The following XRCC4 variants were observed in gnomAD, a reference collection of about 807,000 sequenced individuals.
XRCC4 encodes the protein X-ray repair cross complementing 4, also known as DNA repair protein XRCC4.
Under a neutral mutation model 39.1 loss-of-function variants are expected in XRCC4, and 28 were observed. The ratio of observed to expected loss-of-function variants is 0.72; its 90% CI spans 0.53 to 0.98. The LOEUF (loss-of-function observed/expected upper bound fraction) is 0.98, where lower values mean the gene tolerates loss of function less well. Among genes scored for constraint, XRCC4 ranks in the 50% least tolerant of loss-of-function variants. The pLI is 0.00. For missense variants in XRCC4, 350 were observed against 376.4 expected (o/e 0.93, Z 0.58); for synonymous variants, 123 against 126.4 (o/e 0.97, Z 0.18).
chr5:83,117,667 G>A (rs1384576634), intron 3 of XRCC4, among the ~76,000 whole-genome samples: 2 of 136,426 alleles, frequency 1.5e-5, no homozygotes, highest in African/African-American at 6.5e-5. Flanking sequence ...GTGTGTGTGT[G>A]TGTGTGTATG....
chr5:83,259,795 T>C (rs757388165), intron 7 of XRCC4, among the ~76,000 whole-genome samples: 7 of 151,764 alleles, frequency 4.6e-5, no homozygotes, highest in Non-Finnish European at 8.8e-5. Flanking sequence ...TAAACTAAAA[T>C]GTGGAGTCAA....
chr5:83,229,091 G>T (rs1752397102), intron 6 of XRCC4, among the ~76,000 whole-genome samples: 1 of 151,790 alleles, frequency 6.6e-6, no homozygotes, highest in Non-Finnish European at 1.5e-5. Flanking sequence ...CGAATAAAAT[G>T]AACAGAAACA....
At chr5:83,249,457 G>C (rs1199450351) in intron 6 of XRCC4, among the ~76,000 whole-genome samples, 1 of 152,048 alleles carries the variant, frequency 6.6e-6, no homozygotes, top group African/African-American at 2.4e-5. Flanking sequence ...CCTTTTCATA[G>C]AACAACTACA....
intron 6 of XRCC4, among the ~76,000 whole-genome samples, chr5:83,233,076 G>A (rs1037816385): frequency 6.6e-6 from 1 of 152,118 alleles, no homozygotes; most frequent in African/African-American, 2.4e-5. Context: ...TTTTATGGGT[G>A]AACTGACAAG....
chr5:83,131,615 G>T (rs907559113), intron 3 of XRCC4, among the ~76,000 whole-genome samples: 2 of 151,944 alleles, frequency 1.3e-5, no homozygotes, highest in Middle Eastern at 3.2e-3. Flanking sequence ...TTGAATTGGT[G>T]CCTTTACCAT....
the XRCC4 span, among the ~76,000 whole-genome samples, chr5:83,365,876 T>C: frequency 2.6e-5 from 4 of 152,234 alleles, no homozygotes; most frequent in African/African-American, 4.8e-5. Flanking sequence ...AGATATACTA[T>C]GTCTTCCCTT....
chr5:83,292,682 G>A (rs1754959065), intron 7 of XRCC4, among the ~76,000 whole-genome samples: 1 of 151,684 alleles, frequency 6.6e-6, no homozygotes, highest in Non-Finnish European at 1.5e-5. Flanking sequence ...ACTGTTACAG[G>A]CTAGTTAATA....
chr5:83,186,364 C>T (rs1580343965), intron 3 of XRCC4, among the ~76,000 whole-genome samples: 1 of 152,132 alleles, frequency 6.6e-6, no homozygotes, highest in Non-Finnish European at 1.5e-5. Flanking sequence ...CAAAGTAGTA[C>T]ACACTTAGTG....
At chr5:83,129,444 A>T (rs1413146979) in intron 3 of XRCC4, among the ~76,000 whole-genome samples, 1 of 151,782 alleles carries the variant, frequency 6.6e-6, no homozygotes, top group Admixed American at 6.6e-5. Context: ...GCTTAGGATA[A>T]TCTTGGCAAT....
chr5:83,115,892 CAAG>C (rs1746686375), intron 3 of XRCC4, among the ~76,000 whole-genome samples: 1 of 152,098 alleles, frequency 6.6e-6, no homozygotes, highest in African/African-American at 2.4e-5. Flanking sequence ...AACGGCTTGA[CAAG>C]GAGGAGTTTA....
chr5:83,247,856 C>T (rs1222110763), intron 6 of XRCC4, among the ~76,000 whole-genome samples: 1 of 152,134 alleles, frequency 6.6e-6, no homozygotes, highest in African/African-American at 2.4e-5. Flanking sequence ...TGTGTACTGA[C>T]TTTACAATAA....
At chr5:83,320,796 G>GTTATGTACTTCTT (rs1365784175) in intron 7 of XRCC4, among the ~76,000 whole-genome samples, 9 of 144,012 alleles carry the variant, frequency 6.2e-5, no homozygotes, top group Non-Finnish European at 1.1e-4. Flanking sequence ...TTGAAATTAA[G>GTTATGTACTTCTT]TTATGTACTT....
intron 3 of XRCC4, among the ~76,000 whole-genome samples, chr5:83,188,195 A>G (rs970603462): frequency 6.6e-6 from 1 of 152,022 alleles, no homozygotes; most frequent in Admixed American, 6.6e-5. Flanking sequence ...AAAAGCTGCA[A>G]TTAAGGTGTT....
At chr5:83,234,619 A>G (rs1042605637) in intron 6 of XRCC4, among the ~76,000 whole-genome samples, 3 of 152,124 alleles carry the variant, frequency 2.0e-5, no homozygotes, top group Non-Finnish European at 1.5e-5. Context: ...ATCAGGGAGG[A>G]TAATCTAGAA....
rs1580223800 is a variant in XRCC4, at chr5:83,104,908, A to G, written c.-10-2A>G. On this transcript the variant is annotated splice_acceptor_variant, in intron 1 of 7. Transcript: ENST00000396027. LOFTEE classifies it low-confidence loss of function (5UTR_SPLICE). ...AATATTAATTGTATTCTCCCATTAC[A>G]GGTATTAAGAAATGGAGAGAAAAAT... 6.2e-7 allele frequency: 1 copy of G among 1,610,750 alleles called. No homozygotes were observed.
intron 3 of XRCC4, among the ~76,000 whole-genome samples, chr5:83,153,871 A>G (rs563637283): frequency 6.6e-6 from 1 of 152,312 alleles, no homozygotes; most frequent in Non-Finnish European, 1.5e-5. Context: ...AATTGTCACC[A>G]TGTTGTTACT....
intron 3 of XRCC4, among the ~76,000 whole-genome samples, chr5:83,138,263 C>A (rs1329088299): frequency 6.6e-6 from 1 of 152,116 alleles, no homozygotes; most frequent in East Asian, 1.9e-4. Flanking sequence ...CCATTACAAG[C>A]CATACTGCTT....
At chr5:83,160,443 A>AT (rs377590066) in intron 3 of XRCC4, among the ~76,000 whole-genome samples, 1 of 152,222 alleles carries the variant, frequency 6.6e-6, no homozygotes, top group African/African-American at 2.4e-5. Flanking sequence ...TGCTTTCTTT[A>AT]TTAGTATTTT....
intron 7 of XRCC4, among the ~76,000 whole-genome samples, chr5:83,344,323 A>AACTC (rs1462286807): frequency 1.3e-5 from 2 of 151,820 alleles, no homozygotes; most frequent in Admixed American, 6.6e-5. Context: ...TGCATCCTCA[A>AACTC]ACTCCTAGGT....
Sources: allele counts gnomAD v4.1 joint callset (sites outside exome capture counted in the v4.1 genomes callset), GRCh38; gene constraint gnomAD v4.1.1; transcripts MANE v1.5; gene names NCBI Gene and HGNC (gene_info 2026-07-23, HGNC 2026-07-21).